The following TRDN variants were observed in gnomAD, a reference collection of about 807,000 sequenced individuals.
TRDN encodes the protein triadin, also known as triadin in skeletal muscle.
A neutral mutation model predicts 149.7 loss-of-function variants in TRDN; 161 were observed. That is an observed-to-expected ratio of 1.08 (90% CI 0.95 to 1.23). TRDN has a LOEUF of 1.23. Ranked by LOEUF, TRDN falls within the 50% of genes most tolerant of loss-of-function variation. The pLI, the probability that TRDN is intolerant of heterozygous loss-of-function variation, is 0.00. For synonymous variants in TRDN, 294 were observed against 250.5 expected (o/e 1.17, Z -1.64); for missense variants, 896 against 823.5 (o/e 1.09, Z -1.08).
intron 21 of TRDN, 60 bp downstream of exon 21, chr6:123,352,479 C>T (rs768026224): frequency 6.3e-6 from 10 of 1,598,136 alleles, no homozygotes; most frequent in Non-Finnish European, 8.5e-6. Flanking sequence ...CCAGTGCTTT[C>T]CTCCGCATGT....
At chr6:123,327,172 T>G (rs751929124) in intron 23 of TRDN, among the ~76,000 whole-genome samples, 1 of 152,104 alleles carries the variant, frequency 6.6e-6, no homozygotes, top group Non-Finnish European at 1.5e-5. Context: ...TGTCATCTAA[T>G]GTATTTTCCT....
At chr6:123,421,884 GGAC>G (rs1385316924) in intron 12 of TRDN, among the ~76,000 whole-genome samples, 3 of 151,584 alleles carry the variant, frequency 2.0e-5, no homozygotes, top group Non-Finnish European at 4.4e-5. Context: ...TGAGCCAGGA[GGAC>G]TGCTTGAGCC....
intron 2 of TRDN, among the ~76,000 whole-genome samples, chr6:123,563,540 G>A (rs1782112534): frequency 6.6e-6 from 1 of 152,118 alleles, no homozygotes; most frequent in South Asian, 2.1e-4. Context: ...TAAGAAATGG[G>A]AACACATGGT....
intron 20 of TRDN, among the ~76,000 whole-genome samples, chr6:123,353,290 A>G (rs759364543): frequency 1.3e-5 from 2 of 151,870 alleles, no homozygotes; most frequent in Non-Finnish European, 1.5e-5. Flanking sequence ...TATTGCACCC[A>G]AATATCACCC....
chr6:123,424,735 C>A lies in TRDN; in HGVS notation c.1051+13328G>T, dbSNP rs551328490. On this transcript the variant is annotated intron_variant, in intron 12 of 40. Coordinates refer to ENST00000334268, the MANE Select transcript of TRDN (RefSeq NM_006073.4). ...GGCTTTGCTGCATGAGAAAAGCTGC[C>A]CAGGTGTTATCGTCGCCCTTCAGTT... 8.3e-4 allele frequency among the ~76,000 whole-genome samples: 127 copies of A among 152,170 alleles called. 1 individual carries two copies. In the Middle Eastern group the frequency reaches 0.01, roughly 12 times the overall value.
In TRDN at chr6:123,382,160, A is replaced by C. The variant is rs1193264693; in HGVS notation, c.1136-13T>G. On this transcript the variant is annotated splice_polypyrimidine_tract_variant and intron_variant, in intron 14 of 40. Coordinates refer to ENST00000334268, the MANE Select transcript of TRDN (RefSeq NM_006073.4). ...GTTTTCTTGGAATCTGAAAACACAA[A>C]GATAAATTATTAATAAAACAGATAC... 1.3e-6 allele frequency: 2 copies of C among 1,490,988 alleles called. No homozygotes were observed. The highest frequency in any genetic ancestry group is 1.8e-6 in the Non-Finnish European group (2 of 1,115,510). The allele number at this position is 1,490,988 out of a possible 1,614,324, so 92.4% of individuals were successfully genotyped here.
intron 33 of TRDN, among the ~76,000 whole-genome samples, chr6:123,262,397 T>A (rs1403866707): frequency 2.0e-5 from 3 of 151,522 alleles, no homozygotes; most frequent in Non-Finnish European, 2.9e-5. Context: ...TTTCTTTTGT[T>A]GTTGTTTGTT....
intron 12 of TRDN, among the ~76,000 whole-genome samples, chr6:123,416,698 C>CTTTTTT (rs139842688): frequency 1.2e-4 from 17 of 146,334 alleles, no homozygotes; most frequent in East Asian, 2.0e-4. Context: ...TTCTTTTCCT[C>CTTTTTT]TTTTTTTCTT....
In TRDN at chr6:123,427,063, C is replaced by G. The variant is rs115463023; in HGVS notation, c.1051+11000G>C. On this transcript the variant is annotated intron_variant, in intron 12 of 40. Coordinates refer to ENST00000334268, the MANE Select transcript of TRDN (RefSeq NM_006073.4). ...AGATGTCTCAAGATATTTCTTTGCCCTGAGGACAATTAATCATTATTCCAC... is the reference window on the plus strand; with the variant it reads ...AGATGTCTCAAGATATTTCTTTGCCGTGAGGACAATTAATCATTATTCCAC... Among the ~76,000 whole-genome samples, 1,000 of 151,984 alleles carry G rather than the reference C, an allele frequency of 6.6e-3. 15 individuals are homozygous for G. The highest frequency in any genetic ancestry group is 0.023 in the African/African-American group (940 of 41,466).
At chr6:123,503,230 G>A (rs1778773841) in intron 8 of TRDN, 4 of 984,176 alleles carry the variant, frequency 4.1e-6, no homozygotes, top group Non-Finnish European at 4.8e-6. Flanking sequence ...ATAATTGGAT[G>A]TATATTCTAA....
At chr6:123,527,987 T>TC (rs1190276897) in intron 5 of TRDN, among the ~76,000 whole-genome samples, 6 of 151,974 alleles carry the variant, frequency 3.9e-5, no homozygotes, top group African/African-American at 1.4e-4. Context: ...ATTCATTGCC[T>TC]GGTTATCATT....
intron 21 of TRDN, among the ~76,000 whole-genome samples, chr6:123,341,705 ACATATT>A (rs1429050822): frequency 2.0e-5 from 3 of 152,014 alleles, no homozygotes; most frequent in Non-Finnish European, 4.4e-5. Flanking sequence ...TATATATTTA[ACATATT>A]TAGGGGATGG....
intron 35 of TRDN, among the ~76,000 whole-genome samples, chr6:123,259,072 T>A (rs1776662244): frequency 6.6e-6 from 1 of 152,134 alleles, no homozygotes; most frequent in Admixed American, 6.6e-5. Flanking sequence ...ATTTTGTTAA[T>A]CTTTTCAAAA....
chr6:123,404,443 TG>T (rs556991289), intron 12 of TRDN, among the ~76,000 whole-genome samples: 120 of 152,240 alleles, frequency 7.9e-4, no homozygotes, highest in Admixed American at 3.2e-3. Flanking sequence ...TTGTAATGTG[TG>T]GTGAACTATT....
intron 4 of TRDN, among the ~76,000 whole-genome samples, chr6:123,535,382 T>C (rs1780477598): frequency 6.6e-6 from 1 of 152,142 alleles, no homozygotes; most frequent in Non-Finnish European, 1.5e-5. Context: ...CTACTTCTTT[T>C]ACTACTCCTG....
intron 15 of TRDN, among the ~76,000 whole-genome samples, 154 bp downstream of exon 15, chr6:123,381,956 GCTCTCTCT>G (rs55997261): frequency 1.5e-4 from 21 of 138,522 alleles, no homozygotes; most frequent in African/African-American, 3.0e-4. Flanking sequence ...TAGATTTGGC[GCTCTCTCT>G]CTCTCTCTCT....
intron 12 of TRDN, among the ~76,000 whole-genome samples, chr6:123,427,470 T>C (rs1774170741): frequency 6.6e-6 from 1 of 152,116 alleles, no homozygotes; most frequent in Non-Finnish European, 1.5e-5. Context: ...GTAATCCTTC[T>C]TCTTACAGGA....
intron 9 of TRDN, among the ~76,000 whole-genome samples, chr6:123,481,217 A>C (rs147666504): frequency 1.2e-3 from 185 of 152,202 alleles, no homozygotes; most frequent in African/African-American, 4.3e-3. Flanking sequence ...GAGATCACAG[A>C]CAACTCTGCT....
At chr6:123,585,142 G>A (rs1431235549) in intron 1 of TRDN, among the ~76,000 whole-genome samples, 2 of 133,258 alleles carry the variant, frequency 1.5e-5, no homozygotes, top group African/African-American at 2.6e-5. Flanking sequence ...TGTGGGTTAA[G>A]GTGGGGGAAT....
Sources: gnomAD v4.1 joint callset for allele counts (sites outside exome capture counted in the v4.1 genomes callset) on GRCh38, gnomAD v4.1.1 for gene constraint, MANE v1.5 for transcripts, NCBI Gene and HGNC (gene_info 2026-07-23, HGNC 2026-07-21) for gene names.